The following GRM1 variants were observed in gnomAD, a reference collection of about 807,000 sequenced individuals.
The protein encoded by GRM1 is glutamate metabotropic receptor 1.
A neutral mutation model predicts 90.9 loss-of-function variants in GRM1; 33 were observed. That is an observed-to-expected ratio of 0.36 (90% CI 0.28 to 0.49). The LOEUF is 0.49. Among genes scored for constraint, GRM1 ranks in the 20% least tolerant of loss-of-function variants. The probability of loss-of-function intolerance (pLI) is 0.99; values close to 1 mark genes in which losing one functional copy is unlikely to be tolerated. For synonymous variants in GRM1, 700 were observed against 613.2 expected (o/e 1.14, Z -2.09); for missense variants, 1,190 against 1,534.3 (o/e 0.78, Z 3.75).
intron 2 of GRM1, among the ~76,000 whole-genome samples, chr6:146,255,582 C>T (rs919533239): frequency 2.6e-5 from 4 of 152,106 alleles, no homozygotes; most frequent in Non-Finnish European, 1.5e-5. Flanking sequence ...TATCATTTCT[C>T]CTGTGTCTGG....
intron 3 of GRM1, among the ~76,000 whole-genome samples, chr6:146,343,876 T>C (rs966913071): frequency 2.6e-5 from 4 of 152,104 alleles, no homozygotes; most frequent in African/African-American, 4.8e-5. Context: ...TGATTTTTTT[T>C]CCCCAAAAAG....
At chr6:146,227,745 G>A (rs1780294846) in intron 2 of GRM1, among the ~76,000 whole-genome samples, 1 of 152,104 alleles carries the variant, frequency 6.6e-6, no homozygotes, top group African/African-American at 2.4e-5. Context: ...TTTACAGAAT[G>A]GGGAAATCTT....
chr6:146,162,237 GC>G (rs1345218117), intron 2 of GRM1, among the ~76,000 whole-genome samples: 3 of 152,168 alleles, frequency 2.0e-5, no homozygotes, highest in Non-Finnish European at 2.9e-5. Flanking sequence ...CACAAGAAGG[GC>G]ATTGTGTAGG....
At chr6:146,421,717 A>G (rs1287179982) in intron 7 of GRM1, among the ~76,000 whole-genome samples, 1 of 152,164 alleles carries the variant, frequency 6.6e-6, no homozygotes, top group African/African-American at 2.4e-5. Context: ...TTAATAATTA[A>G]CAATTTTGAA....
At chr6:146,404,942 A>G (rs78083799) in intron 7 of GRM1, among the ~76,000 whole-genome samples, 2,805 of 152,304 alleles carry the variant, frequency 0.018, 38 homozygotes, top group South Asian at 0.029. Context: ...GTAAAGTTGA[A>G]TCCAAGACAT....
chr6:146,426,589 C>T, intron 7 of GRM1: 1 of 1,611,926 alleles, frequency 6.2e-7, no homozygotes, highest in Non-Finnish European at 8.5e-7. Flanking sequence ...CGCCCACCAG[C>T]CAATGTCCGT....
At chr6:146,030,597 T>C (rs557023734) in intron 1 of GRM1, among the ~76,000 whole-genome samples, 1 of 152,334 alleles carries the variant, frequency 6.6e-6, no homozygotes, top group African/African-American at 2.4e-5. Flanking sequence ...GTGTAATGAG[T>C]TAATTCAGTG....
chr6:146,106,166 G>C (rs1159007474), intron 1 of GRM1, among the ~76,000 whole-genome samples: 1 of 151,998 alleles, frequency 6.6e-6, no homozygotes, highest in Non-Finnish European at 1.5e-5. Context: ...TTATTTAGGG[G>C]GAATTATCTC....
At chr6:146,118,672 A>T (rs1026205215) in intron 1 of GRM1, among the ~76,000 whole-genome samples, 1 of 152,158 alleles carries the variant, frequency 6.6e-6, no homozygotes, top group African/African-American at 2.4e-5. Flanking sequence ...ATTCCCACCT[A>T]TGAGTGAGAA....
intron 7 of GRM1, chr6:146,426,545 T>C: frequency 6.2e-7 from 1 of 1,609,202 alleles, no homozygotes; most frequent in Non-Finnish European, 8.5e-7. Context: ...TGTCTTTTTC[T>C]TTTCAATCTT....
At chr6:146,195,517 C>G (rs1022115258) in intron 2 of GRM1, among the ~76,000 whole-genome samples, 12 of 151,986 alleles carry the variant, frequency 7.9e-5, no homozygotes, top group Admixed American at 2.6e-4. Context: ...CAGGCAAAGC[C>G]TCTTCTCTTC....
chr6:146,276,426 A>G (rs570853661), intron 2 of GRM1, among the ~76,000 whole-genome samples: 1 of 152,292 alleles, frequency 6.6e-6, no homozygotes, highest in East Asian at 1.9e-4. Flanking sequence ...TCTAAAGCAA[A>G]TGCAATTTGC....
chr6:146,376,610 C>T (rs1283210943), intron 5 of GRM1, among the ~76,000 whole-genome samples: 1 of 151,990 alleles, frequency 6.6e-6, no homozygotes, highest in Non-Finnish European at 1.5e-5. Context: ...CCCAGTGTCT[C>T]CTGGCCTGTA....
intron 2 of GRM1, among the ~76,000 whole-genome samples, chr6:146,184,670 C>T (rs1778665672): frequency 6.6e-6 from 1 of 152,136 alleles, no homozygotes; most frequent in Admixed American, 6.5e-5. Context: ...CAATAAAAAA[C>T]AATCTTAACA....
At chr6:146,062,210 G>A (rs1301811087) in intron 1 of GRM1, among the ~76,000 whole-genome samples, 1 of 151,966 alleles carries the variant, frequency 6.6e-6, no homozygotes, top group Admixed American at 6.6e-5. Context: ...GGATGAAGCT[G>A]GAAACCATCA....
intron 2 of GRM1, among the ~76,000 whole-genome samples, chr6:146,198,504 A>T (rs2114606965): frequency 6.6e-6 from 1 of 152,340 alleles, no homozygotes; most frequent in African/African-American, 2.4e-5. Flanking sequence ...GAGATCTAAT[A>T]CAGTGGTGAC....
chr6:146,186,647 C>A (rs140111666), intron 2 of GRM1, among the ~76,000 whole-genome samples: 1 of 152,294 alleles, frequency 6.6e-6, no homozygotes, highest in African/African-American at 2.4e-5. Flanking sequence ...TTCTTCCCTA[C>A]GTACTGCTTA....
chr6:146,179,796 T>A (rs1001123935), intron 2 of GRM1, among the ~76,000 whole-genome samples: 2 of 151,876 alleles, frequency 1.3e-5, no homozygotes, highest in Non-Finnish European at 2.9e-5. Flanking sequence ...ATTACAGGCG[T>A]GAGCCACCCT....
At chr6:146,196,412 C>G (rs1242811611) in intron 2 of GRM1, among the ~76,000 whole-genome samples, 1 of 151,200 alleles carries the variant, frequency 6.6e-6, no homozygotes, top group Non-Finnish European at 1.5e-5. Flanking sequence ...CTCAGCCTCC[C>G]AAGTAGCTGG....
Sources: gnomAD v4.1 joint callset for allele counts (sites outside exome capture counted in the v4.1 genomes callset) on GRCh38, gnomAD v4.1.1 for gene constraint, MANE v1.5 for transcripts, NCBI Gene and HGNC (gene_info 2026-07-23, HGNC 2026-07-21) for gene names.